Variants in MBP observed in about 807,000 individuals in gnomAD.
MBP encodes Golli-MBP.
In MBP, 16 loss-of-function variants were observed where a neutral mutation model predicts 35.8. That is an observed-to-expected ratio of 0.45 (90% CI 0.30 to 0.68). The LOEUF (loss-of-function observed/expected upper bound fraction) is 0.68, where lower values mean the gene tolerates loss of function less well. Among genes scored for constraint, MBP ranks in the 30% least tolerant of loss-of-function variants. The pLI is 0.08. For missense variants in MBP, 380 were observed against 404.7 expected (o/e 0.94, Z 0.52); for synonymous variants, 143 against 159.6 (o/e 0.90, Z 0.78).
At chr18:76,987,455 A>G in intron 7 of MBP, 1 of 985,468 alleles carries the variant, frequency 1.0e-6, no homozygotes, top group Non-Finnish European at 1.2e-6. Context: ...CATGTGTGGG[A>G]CTGATCTGGG....
chr18:76,993,831 C>T (rs1006555231), intron 4 of MBP, among the ~76,000 whole-genome samples: 8 of 152,282 alleles, frequency 5.3e-5, no homozygotes, highest in African/African-American at 7.2e-5. Flanking sequence ...GGAGTTTGCA[C>T]GCTCAGTTTC....
intron 3 of MBP, among the ~76,000 whole-genome samples, chr18:77,038,085 C>T (rs374356348): frequency 6.6e-6 from 1 of 152,128 alleles, no homozygotes; most frequent in East Asian, 1.9e-4. Context: ...TAACAGCCAG[C>T]GACTACTAAG....
intron 4 of MBP, among the ~76,000 whole-genome samples, chr18:76,994,753 A>G (rs1211282485): frequency 6.6e-6 from 1 of 152,246 alleles, no homozygotes; most frequent in Non-Finnish European, 1.5e-5. Flanking sequence ...TGGTCCTCAT[A>G]CAGAACAAAG....
chr18:77,056,912 GCCGAGGAGAAC>G (rs1307231185), intron 3 of MBP, among the ~76,000 whole-genome samples: 3 of 152,110 alleles, frequency 2.0e-5, no homozygotes, highest in African/African-American at 7.2e-5. Flanking sequence ...AGGAGAGGCT[GCCGAGGAGAAC>G]CGGCTTCCCA....
intron 7 of MBP, chr18:76,986,361 C>T (rs1969558131): frequency 1.0e-6 from 1 of 985,498 alleles, no homozygotes; most frequent in Non-Finnish European, 1.2e-6. Flanking sequence ...AGGACCTTGA[C>T]CAACCTAGCC....
chr18:77,007,329 C>T (rs912500714), intron 4 of MBP, among the ~76,000 whole-genome samples: 3 of 152,218 alleles, frequency 2.0e-5, no homozygotes, highest in African/African-American at 7.2e-5. Flanking sequence ...TATTCTTCCA[C>T]TCAATATGCA....
chr18:77,014,361 G>A (rs1012962676), intron 4 of MBP: 1 of 985,308 alleles, frequency 1.0e-6, no homozygotes, highest in Non-Finnish European at 1.2e-6. Context: ...GGGTCATGGG[G>A]GGGCTCCACT....
intron 4 of MBP, among the ~76,000 whole-genome samples, chr18:76,999,461 AT>A (rs113779985): frequency 0.012 from 1,748 of 143,884 alleles, 9 homozygotes; most frequent in South Asian, 0.049. Flanking sequence ...TAGTTTAGGT[AT>A]TTTTTTTTTT....
chr18:77,028,617 G>A (rs1449865550), intron 3 of MBP, among the ~76,000 whole-genome samples: 8 of 80,160 alleles, frequency 1.0e-4, no homozygotes, highest in African/African-American at 2.9e-4. Flanking sequence ...GCCGGGCGGG[G>A]GGCTGACCCC....
intron 1 of MBP, chr18:77,114,918 G>C (rs1976606977): frequency 6.6e-6 from 1 of 152,468 alleles, no homozygotes; most frequent in South Asian, 2.1e-4. Context: ...CCTGGGCGAG[G>C]GCCTTCCTAT....
intron 1 of MBP, among the ~76,000 whole-genome samples, chr18:77,106,816 G>T (rs936976266): frequency 2.0e-5 from 3 of 152,144 alleles, no homozygotes; most frequent in Non-Finnish European, 2.9e-5. Flanking sequence ...GGATGATTTC[G>T]GTGTCCAGTG....
chr18:77,114,914 C>A (rs952064263), intron 1 of MBP: 1 of 152,462 alleles, frequency 6.6e-6, no homozygotes, highest in African/African-American at 2.4e-5. Context: ...CGTGCCTGGG[C>A]GAGGGCCTTC....
intron 2 of MBP, chr18:77,095,305 A>G (rs753968169): frequency 2.6e-5 from 4 of 152,248 alleles, no homozygotes; most frequent in Non-Finnish European, 5.9e-5. Context: ...GCCTTTAAAC[A>G]TATATTAAAT....
At chr18:77,082,062 C>T (rs1333818871) in intron 2 of MBP, among the ~76,000 whole-genome samples, 4 of 151,168 alleles carry the variant, frequency 2.6e-5, no homozygotes, top group Admixed American at 1.3e-4. Context: ...CTGTGTTAGC[C>T]GGGATGGTTT....
chr18:77,028,646 A>T (rs1599100294), intron 3 of MBP, among the ~76,000 whole-genome samples: 1 of 60,216 alleles, frequency 1.7e-5, no homozygotes, highest in Non-Finnish European at 4.0e-5. Flanking sequence ...TCCCTCCCGG[A>T]CGGGGCAGCT....
At chr18:77,009,863 A>C in intron 4 of MBP, 1 of 1,590,800 alleles carries the variant, frequency 6.3e-7, no homozygotes, top group Non-Finnish European at 8.6e-7. Context: ...TACATGTTGC[A>C]CAGCCCAGGC....
intron 2 of MBP, chr18:77,067,964 C>T: frequency 2.4e-6 from 1 of 410,288 alleles, no homozygotes; most frequent in East Asian, 7.2e-5. Flanking sequence ...CAGCCAGGGC[C>T]CTACACTCCG....
At chr18:77,038,500 A>G (rs967306997) in intron 3 of MBP, among the ~76,000 whole-genome samples, 2 of 152,204 alleles carry the variant, frequency 1.3e-5, no homozygotes, top group Non-Finnish European at 2.9e-5. Flanking sequence ...GTTTGACATC[A>G]TATTTGGTGT....
At chr18:77,014,922 A>G in intron 4 of MBP, 2 of 982,224 alleles carry the variant, frequency 2.0e-6, no homozygotes, top group Non-Finnish European at 2.4e-6. Context: ...AATCATGTGA[A>G]AATTATTTTT....
Sources: allele counts gnomAD v4.1 joint callset (sites outside exome capture counted in the v4.1 genomes callset), GRCh38; gene constraint gnomAD v4.1.1; transcripts MANE v1.5; gene names NCBI Gene and HGNC (gene_info 2026-07-23, HGNC 2026-07-21).